The following PCDH15 variants were observed in gnomAD, a reference collection of about 807,000 sequenced individuals.
PCDH15 encodes the protein protocadherin related 15.
In PCDH15, 129 loss-of-function variants were observed where a neutral mutation model predicts 178.5. The ratio of observed to expected loss-of-function variants is 0.72; its 90% CI spans 0.63 to 0.84. PCDH15 has a LOEUF of 0.84. PCDH15 is among the 40% of genes least tolerant of loss of function. The pLI, the probability that PCDH15 is intolerant of heterozygous loss-of-function variation, is 0.00. For synonymous variants in PCDH15, 800 were observed against 732.0 expected (o/e 1.09, Z -1.50); for missense variants, 2,230 against 2,099.9 (o/e 1.06, Z -1.21).
intron 1 of PCDH15, among the ~76,000 whole-genome samples, chr10:54,693,822 A>G (rs2135835895): frequency 6.6e-6 from 1 of 152,274 alleles, no homozygotes; most frequent in Middle Eastern, 3.4e-3. Flanking sequence ...CTCACACTTC[A>G]GTGATTGCCA....
chr10:54,051,407 T>G (rs1400853437), intron 18 of PCDH15, among the ~76,000 whole-genome samples: 1 of 152,204 alleles, frequency 6.6e-6, no homozygotes, highest in Non-Finnish European at 1.5e-5. Context: ...ATGCTGGTAG[T>G]GATTTGTACA....
intron 26 of PCDH15, among the ~76,000 whole-genome samples, chr10:53,893,073 A>G (rs906166515): frequency 6.6e-6 from 1 of 152,196 alleles, no homozygotes; most frequent in Non-Finnish European, 1.5e-5. Context: ...AAAATTGCCA[A>G]AGATGGATCA....
chr10:54,922,907 C>A (rs565550428), intron 2 of PCDH15, among the ~76,000 whole-genome samples: 3 of 152,296 alleles, frequency 2.0e-5, no homozygotes, highest in African/African-American at 7.2e-5. Context: ...CTCACAGCTT[C>A]ACTAGGGAGT....
chr10:55,490,603 G>C (rs902207044), intron 2 of PCDH15, among the ~76,000 whole-genome samples: 2 of 151,712 alleles, frequency 1.3e-5, no homozygotes, highest in African/African-American at 4.8e-5. Context: ...GGCTACTCTA[G>C]ACTTTACTTT....
chr10:54,868,341 G>A (rs1953974905), intron 3 of PCDH15, among the ~76,000 whole-genome samples: 1 of 152,090 alleles, frequency 6.6e-6, no homozygotes, highest in South Asian at 2.1e-4. Context: ...CTACGCATAA[G>A]CACCTTCTCT....
At chr10:54,758,719 A>G (rs948320247) in intron 1 of PCDH15, among the ~76,000 whole-genome samples, 1 of 152,188 alleles carries the variant, frequency 6.6e-6, no homozygotes, top group Non-Finnish European at 1.5e-5. Flanking sequence ...AGGAAACCCA[A>G]ATAAAAACCT....
intron 3 of PCDH15, among the ~76,000 whole-genome samples, chr10:54,395,157 A>T (rs977091937): frequency 2.0e-5 from 3 of 152,132 alleles, no homozygotes; most frequent in African/African-American, 7.2e-5. Context: ...GGAAATCACA[A>T]GGGTATTCAT....
At chr10:55,152,988 G>T (rs1269548384) in intron 2 of PCDH15, among the ~76,000 whole-genome samples, 2 of 151,434 alleles carry the variant, frequency 1.3e-5, no homozygotes, top group Admixed American at 1.3e-4. Flanking sequence ...GTAACTTTGT[G>T]TTTAGAAAGC....
intron 3 of PCDH15, among the ~76,000 whole-genome samples, chr10:54,411,154 T>C (rs982052513): frequency 2.0e-5 from 3 of 152,094 alleles, no homozygotes; most frequent in African/African-American, 7.2e-5. Flanking sequence ...CCCATGATGC[T>C]TGGGTGGGTG....
At chr10:55,164,224 A>T (rs1839137808) in intron 2 of PCDH15, among the ~76,000 whole-genome samples, 1 of 152,132 alleles carries the variant, frequency 6.6e-6, no homozygotes, top group Non-Finnish European at 1.5e-5. Flanking sequence ...ACTTGAGTAC[A>T]GATACTAAAG....
At chr10:54,723,537 T>C (rs1941997272) in intron 1 of PCDH15, among the ~76,000 whole-genome samples, 1 of 151,660 alleles carries the variant, frequency 6.6e-6, no homozygotes. Flanking sequence ...AAAAACAAAA[T>C]AGACAAATGG....
At chr10:55,469,466 T>C (rs1478736798) in intron 2 of PCDH15, among the ~76,000 whole-genome samples, 1 of 152,136 alleles carries the variant, frequency 6.6e-6, no homozygotes, top group East Asian at 1.9e-4. Flanking sequence ...TTCTAAACAT[T>C]GCTGTTTCCC....
At chr10:54,323,564 G>A (rs1469471762) in intron 7 of PCDH15, among the ~76,000 whole-genome samples, 1 of 152,118 alleles carries the variant, frequency 6.6e-6, no homozygotes, top group Non-Finnish European at 1.5e-5. Context: ...GTCCTTTGAA[G>A]CAACATGGAT....
chr10:54,616,952 A>G (rs1340731049), intron 2 of PCDH15, among the ~76,000 whole-genome samples: 1 of 152,142 alleles, frequency 6.6e-6, no homozygotes, highest in Non-Finnish European at 1.5e-5. Context: ...AGCATAAAAA[A>G]GAAAACCTAG....
At chr10:55,341,424 T>G (rs2131954043) in intron 2 of PCDH15, among the ~76,000 whole-genome samples, 1 of 152,190 alleles carries the variant, frequency 6.6e-6, no homozygotes, top group South Asian at 2.1e-4. Context: ...ATTTTTAAGC[T>G]AATGATAGTA....
At chr10:55,137,075 CAAAT>C (rs1838214767) in intron 2 of PCDH15, among the ~76,000 whole-genome samples, 1 of 151,984 alleles carries the variant, frequency 6.6e-6, no homozygotes, top group East Asian at 1.9e-4. Context: ...TGAAAATTAA[CAAAT>C]AAAACTGCCT....
At chr10:54,588,418 T>G (rs1173121128) in intron 2 of PCDH15, among the ~76,000 whole-genome samples, 2 of 152,210 alleles carry the variant, frequency 1.3e-5, no homozygotes, top group East Asian at 3.8e-4. Context: ...CACTTATCAG[T>G]GCTCTTGTGA....
intron 2 of PCDH15, among the ~76,000 whole-genome samples, chr10:54,624,277 AAAG>A (rs2093475005): frequency 6.6e-6 from 1 of 152,236 alleles, no homozygotes; most frequent in African/African-American, 2.4e-5. Flanking sequence ...CAGGAACAAA[AAAG>A]AAAAGGGAAG....
At chr10:54,662,573 A>T (rs7099960) in intron 2 of PCDH15, among the ~76,000 whole-genome samples, 6,649 of 152,034 alleles carry the variant, frequency 0.044, 229 homozygotes, top group Middle Eastern at 0.065. Flanking sequence ...ATGCAAATAT[A>T]TTTATAAGAC....
Sources: gnomAD v4.1 joint callset for allele counts (sites outside exome capture counted in the v4.1 genomes callset) on GRCh38, gnomAD v4.1.1 for gene constraint, MANE v1.5 for transcripts, NCBI Gene and HGNC (gene_info 2026-07-23, HGNC 2026-07-21) for gene names.